ATP6V1A: variants seen among roughly 807,000 people sequenced by gnomAD.
ATP6V1A encodes V-type proton ATPase catalytic subunit A.
ATP6V1A carries 18 observed loss-of-function variants against 70.1 expected under a neutral mutation model. The ratio of observed to expected loss-of-function variants is 0.26; its 90% CI spans 0.18 to 0.38. The LOEUF (loss-of-function observed/expected upper bound fraction) is 0.38. Among genes scored for constraint, ATP6V1A ranks in the 10% least tolerant of loss-of-function variants. The probability of loss-of-function intolerance (pLI) is 1.00; values close to 1 mark genes in which losing one functional copy is unlikely to be tolerated. For missense variants in ATP6V1A, 424 were observed against 772.4 expected, an observed-to-expected ratio of 0.55 and a Z score of 5.35; for synonymous variants, 232 against 253.8, an observed-to-expected ratio of 0.91 and a Z score of 0.82.
rs1317751578 is a variant in ATP6V1A at position 113,788,882 on chromosome 3, A to G, written c.879+7A>G. 1.2e-6 allele frequency: 2 copies of G among 1,608,716 alleles called. No homozygotes were observed. Among genetic ancestry groups the G allele is most frequent in the Non-Finnish European group, 1.7e-6 (2 of 1,177,256 alleles). ...CCTCCGGGACTTCCCAGAGGTCTGTATAAAGCTTCAAATAATATCCTAGAG... is the reference window on the plus strand; with the variant it reads ...CCTCCGGGACTTCCCAGAGGTCTGTGTAAAGCTTCAAATAATATCCTAGAG... On this transcript the variant is annotated splice_region_variant and intron_variant, in intron 7 of 14. Coordinates refer to ENST00000273398, the MANE Select transcript of ATP6V1A (RefSeq NM_001690.4).
At chr3:113,788,996 G>A in intron 7 of ATP6V1A, 121 bp downstream of exon 7, 1 of 883,312 alleles carries the variant, frequency 1.1e-6, no homozygotes. Context: ...GATCTTTAAG[G>A]AATTTTAAAA....
intron 6 of ATP6V1A, 68 bp from the exon 7 acceptor site, chr3:113,788,645 G>A (rs551650868): frequency 1.9e-5 from 29 of 1,509,124 alleles, no homozygotes; most frequent in Middle Eastern, 4.4e-4. Flanking sequence ...CACCGCGCCC[G>A]GCCCCTACTT....
intron 1 of ATP6V1A, among the ~76,000 whole-genome samples, chr3:113,760,230 T>G (rs1708687581): frequency 6.6e-6 from 1 of 152,224 alleles, no homozygotes; most frequent in Non-Finnish European, 1.5e-5. Flanking sequence ...AAATCCAGAT[T>G]GTGAGGTGTT....
intron 1 of ATP6V1A, among the ~76,000 whole-genome samples, chr3:113,759,402 A>C (rs1439219185): frequency 6.6e-6 from 1 of 151,246 alleles, no homozygotes; most frequent in Non-Finnish European, 1.5e-5. Context: ...CCAGTTGTCC[A>C]TATATGTGTT....
chr3:113,795,993 C>A, intron 11 of ATP6V1A, 54 bp downstream of exon 11: 1 of 1,419,560 alleles, frequency 7.0e-7, no homozygotes, highest in Non-Finnish European at 9.7e-7. Context: ...TCTCTGCAGC[C>A]CCTGCTGTTC....
At chr3:113,787,034 C>T (rs376467410) in intron 6 of ATP6V1A, among the ~76,000 whole-genome samples, 6 of 152,268 alleles carry the variant, frequency 3.9e-5, no homozygotes, top group African/African-American at 1.4e-4. Context: ...CCTGCCTTGG[C>T]CTCCCAAAGT....
At chr3:113,787,901 A>ATC (rs139157590) in intron 6 of ATP6V1A, among the ~76,000 whole-genome samples, 1 of 152,130 alleles carries the variant, frequency 6.6e-6, no homozygotes, top group Non-Finnish European at 1.5e-5. Flanking sequence ...ACCGTCTCCT[A>ATC]TCTCTCTCTC....
intron 3 of ATP6V1A, among the ~76,000 whole-genome samples, chr3:113,781,999 T>G (rs1384573013): frequency 6.6e-6 from 1 of 152,212 alleles, no homozygotes; most frequent in Non-Finnish European, 1.5e-5. Flanking sequence ...TTATTTTCAA[T>G]TTTCTATGAA....
At chr3:113,803,513 T>G in intron 12 of ATP6V1A, 70 bp from the exon 13 acceptor site, 1 of 1,135,218 alleles carries the variant, frequency 8.8e-7, no homozygotes. Flanking sequence ...AGTTTCTGCT[T>G]GTTAATTAAT....
chr3:113,781,252 TCA>T (rs1212001187), intron 3 of ATP6V1A, 74 bp downstream of exon 3: 2 of 1,471,706 alleles, frequency 1.4e-6, no homozygotes, highest in African/African-American at 1.4e-5. Context: ...GCATAGTGCC[TCA>T]CACAAAGTAA....
chr3:113,770,646 T>A (rs1288385235), intron 1 of ATP6V1A, among the ~76,000 whole-genome samples: 4 of 152,090 alleles, frequency 2.6e-5, no homozygotes, highest in Non-Finnish European at 5.9e-5. Flanking sequence ...GCCACCGCAC[T>A]CCAGCCTGGG....
At chr3:113,780,749 A>G (rs1161739252) in intron 2 of ATP6V1A, 4 of 1,303,474 alleles carry the variant, frequency 3.1e-6, no homozygotes, top group Admixed American at 2.3e-5. Flanking sequence ...TCCATGTATC[A>G]TAGCAACTCT....
At chr3:113,767,494 G>C (rs1466179075) in intron 1 of ATP6V1A, among the ~76,000 whole-genome samples, 1 of 152,182 alleles carries the variant, frequency 6.6e-6, no homozygotes, top group African/African-American at 2.4e-5. Flanking sequence ...TACGCACTTT[G>C]AGGGCAGGGA....
chr3:113,786,647 T>C (rs1175527558), intron 6 of ATP6V1A, among the ~76,000 whole-genome samples: 1 of 150,536 alleles, frequency 6.6e-6, no homozygotes, highest in Non-Finnish European at 1.5e-5. Context: ...GAAGAAAATC[T>C]GTACCAAAAC....
intron 1 of ATP6V1A, among the ~76,000 whole-genome samples, chr3:113,756,353 A>G (rs1461033120): frequency 1.3e-5 from 2 of 152,246 alleles, no homozygotes; most frequent in Admixed American, 6.5e-5. Context: ...GTACATCTAC[A>G]ATAAATTCCT....
At chr3:113,757,873 T>C (rs762327474) in intron 1 of ATP6V1A, among the ~76,000 whole-genome samples, 2 of 152,224 alleles carry the variant, frequency 1.3e-5, no homozygotes, top group Non-Finnish European at 2.9e-5. Flanking sequence ...TGGCTGGGCC[T>C]GGTGGCTCAC....
At chr3:113,775,488 C>G (rs976921367) in intron 1 of ATP6V1A, among the ~76,000 whole-genome samples, 1 of 152,116 alleles carries the variant, frequency 6.6e-6, no homozygotes, top group Non-Finnish European at 1.5e-5. Flanking sequence ...CCTCGGCCCC[C>G]CCAAGTGCTG....
intron 8 of ATP6V1A, among the ~76,000 whole-genome samples, chr3:113,794,181 A>C (rs577572402): frequency 3.9e-5 from 6 of 152,230 alleles, no homozygotes; most frequent in Non-Finnish European, 8.8e-5. Context: ...TAATCTGGAC[A>C]ATTAAGATAT....
intron 1 of ATP6V1A, among the ~76,000 whole-genome samples, chr3:113,777,624 A>T (rs947090824): frequency 2.6e-5 from 4 of 152,166 alleles, no homozygotes; most frequent in Non-Finnish European, 5.9e-5. Flanking sequence ...GTGGTAGGAC[A>T]CACCTGTGGT....
Sources: allele counts gnomAD v4.1 joint callset (sites outside exome capture counted in the v4.1 genomes callset), GRCh38; gene constraint gnomAD v4.1.1; transcripts MANE v1.5; gene names NCBI Gene and HGNC (gene_info 2026-07-23, HGNC 2026-07-21).